Variants in SNAPC4 observed in about 807,000 individuals in gnomAD.
The protein encoded by SNAPC4 is small nuclear RNA activating complex polypeptide 4.
Under a neutral mutation model 151.3 loss-of-function variants are expected in SNAPC4, and 127 were observed. The observed-to-expected ratio is 0.84, with a 90% CI of 0.73 to 0.97. The LOEUF is 0.97. SNAPC4 is among the 50% of genes least tolerant of loss of function. The pLI is 0.00. For synonymous variants in SNAPC4, 1,002 were observed against 824.4 expected (o/e 1.22, Z -3.69); for missense variants, 2,186 against 1,935.0 (o/e 1.13, Z -2.43).
At chr9:136,380,717 T>C in intron 20 of SNAPC4, 23 bp downstream of exon 20, 3 of 1,391,766 alleles carry the variant, frequency 2.2e-6, no homozygotes, top group Non-Finnish European at 3.1e-6. Context: ...CCATCCTCAC[T>C]TCTCACCCCA....
chr9:136,382,722 C>CA (rs1410273381), intron 16 of SNAPC4, among the ~76,000 whole-genome samples: 3 of 152,234 alleles, frequency 2.0e-5, no homozygotes, highest in African/African-American at 7.2e-5. Context: ...CCAGCCTGTT[C>CA]AACTCTGACT....
intron 10 of SNAPC4, among the ~76,000 whole-genome samples, chr9:136,390,896 G>A (rs1424695579): frequency 2.0e-5 from 3 of 150,694 alleles, no homozygotes; most frequent in African/African-American, 4.9e-5. Context: ...GTGCAGTGGC[G>A]CGACGTCCGC....
rs542119913 is a variant in SNAPC4, at chr9:136,380,766, G to A, written c.2473C>T (p.Arg825Trp). ...TGCAGAAGATGAACTGGTGGGTCCC[G>A]AGCACCAGCCTGGGGCAGCCTGGGT... ...LPPRLPQAGA[R>W]DPPVHLLQAS... Residue 825 changes from arginine (R) to tryptophan (W), a missense_variant, in exon 20 of 24, where the codon CGG becomes TGG. Coordinates refer to ENST00000684778, the MANE Select transcript of SNAPC4 (RefSeq NM_003086.4). The A allele has an allele frequency of 2.9e-5, 47 of 1,608,506 alleles. No homozygotes were observed. Among genetic ancestry groups the A allele is most frequent in the East Asian group, 1.3e-4 (6 of 44,854 alleles).
In SNAPC4 at chr9:136,392,966, G is replaced by A. The variant is rs374922542; in HGVS notation, c.633-189C>T. 1.4e-4 allele frequency among the ~76,000 whole-genome samples: 22 copies of A among 152,338 alleles called. No homozygotes were observed. The South Asian group carries it at 1.7e-3, about 11-fold the overall frequency. On this transcript the variant is annotated intron_variant, in intron 7 of 23. Transcript: ENST00000684778. ...CACCTCCAGGCTGCCACCGGGGTGG[G>A]AAGGGCTGCAGTGTCTGCTGACACA...
rs1272701260 is a variant in SNAPC4, at chr9:136,381,934, T to C, written c.2207A>G (p.His736Arg). ...SGQRRWRHAL[H>R]RRLLNRRLLL... ...CAGCCTGCGGTTCAGGAGCCTCCGG[T>C]GCAGAGCGTGTCTCCAGCGCCGCTG... The change falls in exon 18 of 24, where the codon CAC (histidine) becomes CGC (arginine). Residue 736 changes from histidine to arginine, a missense_variant. Physicochemically the swap from His to Arg is conservative, Grantham distance 29. Transcript: ENST00000684778. The C allele has an allele frequency of 3.1e-6, 5 of 1,612,740 alleles. No homozygotes were observed. The highest frequency in any genetic ancestry group is 4.2e-6 in the Non-Finnish European group (5 of 1,179,994).
rs761000182 is a variant in SNAPC4 at position 136,377,835 on chromosome 9, A to G, written c.3992T>C (p.Leu1331Pro). The change falls in exon 22 of 24, where the codon CTG (leucine) becomes CCG (proline). Residue 1331 changes from leucine (L) to proline (P), a missense_variant. Transcript: ENST00000684778. ...CCGCTCAGCCTCGCCCCCCACCACC[A>G]GGGAGGTGGCCTTGTGCTCCAGGGC... ...KKALEHKATSLVVGGEAERPA... is the reference protein window; with the variant it reads ...KKALEHKATSPVVGGEAERPA... The G allele has an allele frequency of 4.3e-6, 7 of 1,611,468 alleles. No individual in the cohort carries two copies. The Admixed American group carries it at 1.2e-4, about 27-fold the overall frequency.
Position 136,383,031 on chromosome 9 carries a change from C to T in SNAPC4, c.1983+155G>A, listed in dbSNP as rs1447093426. Among the ~76,000 whole-genome samples the T allele has an allele frequency of 2.6e-5, 4 of 152,256 alleles. No individual in the cohort carries two copies. Among genetic ancestry groups the T allele is most frequent in the Non-Finnish European group, 5.9e-5 (4 of 68,046 alleles). ...AAATGGAGGCTTCCCCAACAGTCCC[C>T]CCGACGCACAGCTGTCCAGAGCTCA... On this transcript the variant is annotated intron_variant, in intron 16 of 23. Transcript: ENST00000684778. This position sits in a 1 kb window ranked among gnomAD's most constrained non-coding sequence, Gnocchi z 4.2.
At chr9:136,379,379 A>G in intron 21 of SNAPC4, 80 bp from the exon 22 acceptor site, 1 of 1,579,948 alleles carries the variant, frequency 6.3e-7, no homozygotes, top group Non-Finnish European at 8.6e-7. Flanking sequence ...TCCCCTCATC[A>G]GGAGGGACCA....
chr9:136,377,066 CAG>C lies in SNAPC4; in HGVS notation c.4284+475_4284+476del, dbSNP rs759123327. ...AGGGTTCCAAACATGGTTTCACCTA[CAG>C]AGATTGGAAAACTCTCCCCAAGGAC... On this transcript the variant is annotated intron_variant, in intron 22 of 23. Transcript: ENST00000684778. Among the ~76,000 whole-genome samples, 5 of 152,352 alleles carry C rather than the reference CAG, an allele frequency of 3.3e-5. No individual in the cohort carries two copies. The East Asian group carries it at 7.7e-4, about 24-fold the overall frequency.
chr9:136,397,900 A>C (rs898713353), intron 2 of SNAPC4, among the ~76,000 whole-genome samples: 20 of 151,996 alleles, frequency 1.3e-4, no homozygotes, highest in African/African-American at 4.8e-4. Context: ...CACAGGCCCA[A>C]GGAGGCCAGG....
At chr9:136,389,930 G>C (rs11145834) in intron 10 of SNAPC4, among the ~76,000 whole-genome samples, 15,074 of 152,272 alleles carry the variant, frequency 0.099, 948 homozygotes, top group Admixed American at 0.17. Flanking sequence ...GCGGGGGAAA[G>C]TGCTGGCGTC....
chr9:136,398,234 G>A lies in SNAPC4; in HGVS notation c.130+65C>T, dbSNP rs2131524625. ...CCATCACTCCCTAATGTGCCTGAGA[G>A]GAACCCAGGAGGCAGACCAGCTGTT... On this transcript the variant is annotated intron_variant, in intron 2 of 23. Transcript: ENST00000684778. 3 of 1,533,022 alleles carry A rather than the reference G, an allele frequency of 2.0e-6. No individual in the cohort carries two copies. The Admixed American group carries it at 5.7e-5, about 29-fold the overall frequency. 95.0% of individuals were successfully genotyped at this position (1,533,022 alleles called of 1,614,324 possible).
chr9:136,385,085 C>G (rs1201472708), intron 13 of SNAPC4, among the ~76,000 whole-genome samples: 1 of 152,218 alleles, frequency 6.6e-6, no homozygotes, highest in Non-Finnish European at 1.5e-5. Flanking sequence ...AGAACTCTTA[C>G]AAGTCAGTCA....
At chr9:136,390,416 G>A (rs994821870) in intron 10 of SNAPC4, among the ~76,000 whole-genome samples, 2 of 151,852 alleles carry the variant, frequency 1.3e-5, no homozygotes, top group African/African-American at 4.8e-5. Context: ...TTAGCCGGGC[G>A]TGGTGGTGGG....
At chr9:136,391,839 G>T (rs2131502522) in intron 10 of SNAPC4, 103 bp downstream of exon 10, 22 of 1,267,518 alleles carry the variant, frequency 1.7e-5, no homozygotes, top group Non-Finnish European at 2.3e-5. Flanking sequence ...AAACCTGGCG[G>T]TGAGTGAGCA....
chr9:136,396,417 T>C (rs1834276378), intron 3 of SNAPC4, among the ~76,000 whole-genome samples: 1 of 152,230 alleles, frequency 6.6e-6, no homozygotes, highest in Non-Finnish European at 1.5e-5. Context: ...TGGGTGCTTG[T>C]GTATTTTTCT....
In SNAPC4 at chr9:136,392,794, A is replaced by C; in HGVS notation, c.633-17T>G. 6.2e-7 allele frequency: 1 copy of C among 1,609,668 alleles called. No individual in the cohort carries two copies. ...TACTCGAGCCTGCAAAGCAGAGCAG[A>C]GGCAGAAGGGCTGGGGCACGAGGGC... On this transcript the variant is annotated splice_polypyrimidine_tract_variant and intron_variant, in intron 7 of 23. Transcript: ENST00000684778.
chr9:136,397,687 G>GAGGAGGGGAGCACGTT (rs1834322955), intron 2 of SNAPC4, among the ~76,000 whole-genome samples: 2 of 123,396 alleles, frequency 1.6e-5, no homozygotes, highest in Non-Finnish European at 3.5e-5. Flanking sequence ...GGGAGCACGT[G>GAGGAGGGGAGCACGTT]GGGTGGGGAG....
chr9:136,380,785 C>G lies in SNAPC4; in HGVS notation c.2454G>C (p.Arg818Ser). The change falls in exon 20 of 24, where the codon AGG becomes AGC. Residue 818 changes from arginine to serine, a missense_variant. By Grantham distance (110) the Arg-to-Ser change is moderately radical (BLOSUM62 -1). Coordinates refer to ENST00000684778, the MANE Select transcript of SNAPC4 (RefSeq NM_003086.4). ...VVRERKALPPRLPQAGARDPP... is the reference protein window; with the variant it reads ...VVRERKALPPSLPQAGARDPP... ...GGTCCCGAGCACCAGCCTGGGGCAG[C>G]CTGGGTGGCAGGGCCTTCCTCTCTC... 1 of 1,611,750 alleles carries G rather than the reference C, an allele frequency of 6.2e-7. No homozygotes were observed.
Sources: gnomAD v4.1 joint callset for allele counts (sites outside exome capture counted in the v4.1 genomes callset) on GRCh38, gnomAD v4.1.1 for gene constraint, Gnocchi (gnomAD v3.1) non-coding constraint, MANE v1.5 for transcripts, NCBI Gene and HGNC (gene_info 2026-07-23, HGNC 2026-07-21) for gene names.